Variants in RP1 observed in about 807,000 individuals in gnomAD.
The protein encoded by RP1 is oxygen-regulated protein 1.
A neutral mutation model predicts 14.8 loss-of-function variants in RP1; 16 were observed. The observed-to-expected ratio is 1.08, with a 90% CI of 0.73 to 1.65. The LOEUF (loss-of-function observed/expected upper bound fraction) is 1.65. Among genes scored for constraint, RP1 ranks in the 40% most tolerant of loss-of-function variants. RP1 has a pLI of 0.00. For missense variants in RP1, 2,631 were observed against 2,535.0 expected (o/e 1.04, Z -0.81); for synonymous variants, 876 against 883.6 (o/e 0.99, Z 0.15).
chr8:54,814,415 A>G (rs1046690760), intron 24 of RP1, among the ~76,000 whole-genome samples: 2 of 152,222 alleles, frequency 1.3e-5, no homozygotes, highest in African/African-American at 4.8e-5. Context: ...AAAGTATTTC[A>G]GACTATAGTA....
intron 24 of RP1, among the ~76,000 whole-genome samples, chr8:54,788,609 G>C (rs772487709): frequency 3.3e-5 from 5 of 152,070 alleles, no homozygotes; most frequent in Non-Finnish European, 7.4e-5. Flanking sequence ...GCAGATCCTA[G>C]GGACAATTTA....
At position 54,629,933 on chromosome 8, in the gene RP1, A is replaced by C. The variant is rs1309245068; in HGVS notation, c.6051A>C (p.Glu2017Asp). 6.2e-7 allele frequency: 1 copy of C among 1,614,028 alleles called. No individual in the cohort carries two copies. Among genetic ancestry groups the C allele is most frequent in the Non-Finnish European group, 8.5e-7 (1 of 1,179,964 alleles). ...GAATTAACTTCTTGGGGTTAGAGGA[A>C]GAAGGTAATTTAAAGAAATTTCAAC... ...QKRINFLGLE[E>D]EGNLKKFQPD... Residue 2017 changes from glutamate to aspartate, a missense_variant, in exon 4 of 4, where the codon GAA becomes GAC. Physicochemically the swap from Glu to Asp is conservative, Grantham distance 45. Coordinates refer to ENST00000220676, the MANE Select transcript of RP1 (RefSeq NM_006269.2).
chr8:54,758,199 TA>T (rs1269485978), intron 21 of RP1, among the ~76,000 whole-genome samples: 1 of 152,074 alleles, frequency 6.6e-6, no homozygotes, highest in Non-Finnish European at 1.5e-5. Context: ...TTTCCTCAGA[TA>T]ACTTTAGGAC....
intron 12 of RP1, among the ~76,000 whole-genome samples, chr8:54,698,342 A>G (rs570737092): frequency 4.1e-4 from 62 of 152,328 alleles, no homozygotes; most frequent in African/African-American, 1.4e-3. Flanking sequence ...ATGAGATACC[A>G]CCTCCAGCCA....
intron 22 of RP1, among the ~76,000 whole-genome samples, chr8:54,766,970 G>A (rs554697413): frequency 3.3e-5 from 5 of 152,212 alleles, no homozygotes; most frequent in African/African-American, 1.2e-4. Context: ...TCTCCCATCT[G>A]TTCATTGGCT....
intron 24 of RP1, among the ~76,000 whole-genome samples, chr8:54,793,198 A>G (rs1010394842): frequency 1.3e-5 from 2 of 151,876 alleles, no homozygotes; most frequent in African/African-American, 4.8e-5. Flanking sequence ...TAATCTCCCA[A>G]CAAGGAAAAA....
At chr8:54,793,339 A>T (rs573235169) in intron 24 of RP1, among the ~76,000 whole-genome samples, 19 of 152,088 alleles carry the variant, frequency 1.2e-4, no homozygotes, top group African/African-American at 4.3e-4. Context: ...TGAGGCCAGC[A>T]TTACCCAGAT....
intron 27 of RP1, among the ~76,000 whole-genome samples, chr8:54,862,039 C>A (rs553597924): frequency 2.0e-5 from 3 of 152,210 alleles, no homozygotes; most frequent in East Asian, 3.9e-4. Context: ...GGTGTTACTA[C>A]CAGCACATAG....
chr8:54,823,170 CG>C (rs1811301653), intron 24 of RP1, among the ~76,000 whole-genome samples: 2 of 152,118 alleles, frequency 1.3e-5, no homozygotes, highest in Non-Finnish European at 2.9e-5. Flanking sequence ...AAGCCCTCCC[CG>C]GTGGGTGCTG....
At position 54,626,557 on chromosome 8, in the gene RP1, C is replaced by A. The variant is rs1395156809; in HGVS notation, c.2675C>A (p.Ala892Glu). ...ILSKQHATTR[A>E]NSLASLKKPD... is the part of the protein sequence containing the mutation. Reference sequence around the variant, plus strand: ...AGTAAACAACATGCTACAACCAGGGCAAATTCTTTAGCTTCTTTGAAAAAA... The same window carrying A: ...AGTAAACAACATGCTACAACCAGGGAAAATTCTTTAGCTTCTTTGAAAAAA... Residue 892 changes from alanine (A) to glutamate (E), a missense_variant, in exon 4 of 4, where the codon GCA becomes GAA. Transcript: ENST00000220676. The A allele has an allele frequency of 1.2e-6, 2 of 1,613,492 alleles. No individual in the cohort carries two copies. Among genetic ancestry groups the A allele is most frequent in the East Asian group, 2.2e-5 (1 of 44,830 alleles).
intron 16 of RP1, among the ~76,000 whole-genome samples, chr8:54,723,683 T>C (rs1471860399): frequency 2.0e-5 from 3 of 152,220 alleles, no homozygotes; most frequent in Admixed American, 2.0e-4. Flanking sequence ...TTCTTCATTC[T>C]GTTCCTCCAG....
intron 24 of RP1, among the ~76,000 whole-genome samples, chr8:54,821,919 A>G (rs886942549): frequency 2.0e-5 from 3 of 152,216 alleles, no homozygotes; most frequent in African/African-American, 4.8e-5. Flanking sequence ...GTTGTCTGAA[A>G]TCAGCTATTG....
At chr8:54,836,505 A>G (rs181989003) in intron 24 of RP1, among the ~76,000 whole-genome samples, 1 of 152,342 alleles carries the variant, frequency 6.6e-6, no homozygotes, top group East Asian at 1.9e-4. Context: ...TGGTAGCAGA[A>G]ATTCCAAACG....
At chr8:54,860,927 A>T (rs1812329266) in intron 27 of RP1, among the ~76,000 whole-genome samples, 1 of 152,212 alleles carries the variant, frequency 6.6e-6, no homozygotes, top group African/African-American at 2.4e-5. Flanking sequence ...GTGAGGGCCA[A>T]GTTTTGGCTG....
intron 18 of RP1, among the ~76,000 whole-genome samples, chr8:54,737,004 G>T (rs1563362076): frequency 1.3e-5 from 2 of 152,074 alleles, no homozygotes; most frequent in Non-Finnish European, 2.9e-5. Context: ...CTTTTCATTG[G>T]CATCATTTGC....
At chr8:54,841,022 A>G (rs754593081) in intron 25 of RP1, among the ~76,000 whole-genome samples, 35 of 152,210 alleles carry the variant, frequency 2.3e-4, no homozygotes, top group Non-Finnish European at 4.6e-4. Flanking sequence ...ATAACACCCC[A>G]ATATTCAGGA....
chr8:54,764,370 G>T (rs1430056707), intron 22 of RP1, among the ~76,000 whole-genome samples: 1 of 152,218 alleles, frequency 6.6e-6, no homozygotes, highest in Non-Finnish European at 1.5e-5. Flanking sequence ...CTAACTCATG[G>T]CCATTCCGTG....
chr8:54,772,536 T>C (rs955910874), downstream of RP1, among the ~76,000 whole-genome samples: 4 of 152,164 alleles, frequency 2.6e-5, no homozygotes, highest in Non-Finnish European at 5.9e-5. Context: ...ATAGTGAATG[T>C]GTATATTATT....
intron 24 of RP1, among the ~76,000 whole-genome samples, chr8:54,812,878 CCT>C (rs905394641): frequency 6.6e-6 from 1 of 152,140 alleles, no homozygotes; most frequent in African/African-American, 2.4e-5. Flanking sequence ...TCTTGAGACT[CCT>C]CTGAAGATTC....
Sources: gnomAD v4.1 joint callset for allele counts (sites outside exome capture counted in the v4.1 genomes callset) on GRCh38, gnomAD v4.1.1 for gene constraint, MANE v1.5 for transcripts, NCBI Gene and HGNC (gene_info 2026-07-23, HGNC 2026-07-21) for gene names.